Variants in SLIT2 observed in about 807,000 individuals in gnomAD.
SLIT2 encodes the protein slit homolog 2 protein.
In SLIT2, 41 loss-of-function variants were observed where a neutral mutation model predicts 185.7. The observed-to-expected ratio is 0.22, with a 90% CI of 0.17 to 0.29. SLIT2 has a LOEUF of 0.29. Among genes scored for constraint, SLIT2 ranks in the 10% least tolerant of loss-of-function variants. The pLI, the probability that SLIT2 is intolerant of heterozygous loss-of-function variation, is 1.00. For missense variants in SLIT2, 1,571 were observed against 1,909.0 expected (o/e 0.82, Z 3.30); for synonymous variants, 693 against 680.2 (o/e 1.02, Z -0.29).
intron 29 of SLIT2, among the ~76,000 whole-genome samples, chr4:20,577,958 A>T (rs1334743745): frequency 1.3e-5 from 2 of 152,184 alleles, no homozygotes; most frequent in African/African-American, 4.8e-5. Context: ...TGGAATGGTA[A>T]TTGTTAGGCA....
chr4:20,535,248 G>A (rs776568706), intron 18 of SLIT2, among the ~76,000 whole-genome samples: 29 of 152,058 alleles, frequency 1.9e-4, no homozygotes, highest in Middle Eastern at 3.4e-3. Flanking sequence ...GCAGTGAGCC[G>A]AGATTGCTCC....
chr4:20,255,384 C>T (rs1290469841), intron 1 of SLIT2, among the ~76,000 whole-genome samples: 1 of 152,220 alleles, frequency 6.6e-6, no homozygotes. Context: ...TTACTCCTTT[C>T]TCACCTCTCC....
At chr4:20,500,008 A>G (rs1339881203) in intron 9 of SLIT2, among the ~76,000 whole-genome samples, 1 of 152,234 alleles carries the variant, frequency 6.6e-6, no homozygotes, top group Non-Finnish European at 1.5e-5. Context: ...ATACAGTACA[A>G]AACTTGACTA....
intron 4 of SLIT2, among the ~76,000 whole-genome samples, chr4:20,395,734 C>G (rs1725838155): frequency 6.6e-6 from 1 of 151,914 alleles, no homozygotes. Flanking sequence ...CTCAACTGAT[C>G]TCATATAGAC....
intron 4 of SLIT2, among the ~76,000 whole-genome samples, chr4:20,289,330 A>G (rs1225876685): frequency 1.3e-5 from 2 of 152,164 alleles, no homozygotes; most frequent in South Asian, 4.1e-4. Flanking sequence ...TGACTATTAA[A>G]AAAAATCTGT....
intron 4 of SLIT2, among the ~76,000 whole-genome samples, chr4:20,324,479 T>G (rs1436840376): frequency 6.6e-6 from 1 of 152,120 alleles, no homozygotes; most frequent in East Asian, 1.9e-4. Flanking sequence ...CGGAATGATG[T>G]AACCAAAGGG....
At chr4:20,609,246 C>T (rs548735244) in intron 33 of SLIT2, among the ~76,000 whole-genome samples, 1 of 152,228 alleles carries the variant, frequency 6.6e-6, no homozygotes, top group South Asian at 2.1e-4. Context: ...TTTCTATAAG[C>T]CCTTCCAAGG....
At chr4:20,466,770 T>C (rs1327420474) in intron 4 of SLIT2, among the ~76,000 whole-genome samples, 1 of 152,194 alleles carries the variant, frequency 6.6e-6, no homozygotes, top group East Asian at 1.9e-4. Flanking sequence ...GGTTAGTAGC[T>C]TCGTATTTCT....
At chr4:20,306,064 C>G (rs1717519047) in intron 4 of SLIT2, among the ~76,000 whole-genome samples, 1 of 151,958 alleles carries the variant, frequency 6.6e-6, no homozygotes, top group Non-Finnish European at 1.5e-5. Flanking sequence ...ACCCTAGAAT[C>G]TTGATCCTTC....
intron 30 of SLIT2, among the ~76,000 whole-genome samples, chr4:20,592,487 A>T (rs1438335901): frequency 6.6e-6 from 1 of 152,170 alleles, no homozygotes; most frequent in Non-Finnish European, 1.5e-5. Context: ...TTTGAAACTC[A>T]GTCTGAGGAG....
intron 4 of SLIT2, among the ~76,000 whole-genome samples, chr4:20,269,536 A>T (rs1481135486): frequency 1.3e-5 from 2 of 151,950 alleles, no homozygotes; most frequent in Non-Finnish European, 2.9e-5. Flanking sequence ...CCTAATGTGT[A>T]ATAGTGAAAA....
At chr4:20,347,739 G>T (rs890532147) in intron 4 of SLIT2, among the ~76,000 whole-genome samples, 2 of 152,226 alleles carry the variant, frequency 1.3e-5, no homozygotes, top group Non-Finnish European at 2.9e-5. Flanking sequence ...GAGCAGTGAT[G>T]AAGCAGATAT....
At chr4:20,572,804 A>T (rs572291148) in intron 29 of SLIT2, among the ~76,000 whole-genome samples, 2 of 152,326 alleles carry the variant, frequency 1.3e-5, no homozygotes, top group East Asian at 3.9e-4. Flanking sequence ...ACTTAATGGG[A>T]TTACTTAAAT....
At chr4:20,311,130 T>C (rs793380) in intron 4 of SLIT2, among the ~76,000 whole-genome samples, 139,964 of 152,324 alleles carry the variant, frequency 0.92, 64,432 homozygotes, top group East Asian at 1. Context: ...CTTATGCAAT[T>C]CTCCCACCTT....
chr4:20,375,070 GTGTGTA>G (rs1560366282), intron 4 of SLIT2, among the ~76,000 whole-genome samples: 1 of 151,986 alleles, frequency 6.6e-6, no homozygotes, highest in Non-Finnish European at 1.5e-5. Flanking sequence ...TTTACATGAC[GTGTGTA>G]TGTGTATAAG....
chr4:20,571,565 C>G (rs1577948455), intron 29 of SLIT2, among the ~76,000 whole-genome samples: 1 of 152,032 alleles, frequency 6.6e-6, no homozygotes, highest in Non-Finnish European at 1.5e-5. Context: ...GAATGAGGCT[C>G]TAGAGTTTTA....
chr4:20,376,799 C>T (rs1724057961), intron 4 of SLIT2, among the ~76,000 whole-genome samples: 1 of 152,210 alleles, frequency 6.6e-6, no homozygotes, highest in African/African-American at 2.4e-5. Context: ...TGCATGTTCT[C>T]ACTCATAGGT....
intron 29 of SLIT2, among the ~76,000 whole-genome samples, chr4:20,576,575 G>T (rs974053612): frequency 6.6e-6 from 1 of 152,102 alleles, no homozygotes; most frequent in South Asian, 2.1e-4. Flanking sequence ...TATCAAGGTC[G>T]TTATAGTTGC....
At chr4:20,302,655 G>T (rs565630167) in intron 4 of SLIT2, among the ~76,000 whole-genome samples, 24 of 152,298 alleles carry the variant, frequency 1.6e-4, no homozygotes, top group African/African-American at 5.8e-4. Flanking sequence ...GGAGGTTAAG[G>T]AGAGGGTGTA....
Sources: allele counts gnomAD v4.1 joint callset (sites outside exome capture counted in the v4.1 genomes callset), GRCh38; gene constraint gnomAD v4.1.1; transcripts MANE v1.5; gene names NCBI Gene and HGNC (gene_info 2026-07-23, HGNC 2026-07-21).